JAZF1: variants seen among roughly 807,000 people sequenced by gnomAD.
The protein encoded by JAZF1 is juxtaposed with another zinc finger protein 1.
A neutral mutation model predicts 26.4 loss-of-function variants in JAZF1; 8 were observed. The observed-to-expected ratio is 0.30, with a 90% CI of 0.18 to 0.55. JAZF1 has a LOEUF of 0.55. Among genes scored for constraint, JAZF1 ranks in the 20% least tolerant of loss-of-function variants. The pLI, the probability that JAZF1 is intolerant of heterozygous loss-of-function variation, is 0.94. For missense variants in JAZF1, 199 were observed against 322.0 expected, an observed-to-expected ratio of 0.62 and a Z score of 2.92; for synonymous variants, 126 against 122.3, an observed-to-expected ratio of 1.03 and a Z score of -0.20.
At chr7:28,007,078 T>C (rs149931883) in intron 1 of JAZF1, among the ~76,000 whole-genome samples, 13 of 152,194 alleles carry the variant, frequency 8.5e-5, no homozygotes, top group Non-Finnish European at 1.6e-4. Flanking sequence ...GCTACTGCAA[T>C]GGGATGTCAA....
At chr7:28,101,850 T>A (rs1213818294) in intron 1 of JAZF1, among the ~76,000 whole-genome samples, 1 of 152,266 alleles carries the variant, frequency 6.6e-6, no homozygotes, top group East Asian at 1.9e-4. Flanking sequence ...AAATACAATT[T>A]AACTGCTTGA....
At chr7:27,898,486 G>A (rs1279049816) in intron 2 of JAZF1, among the ~76,000 whole-genome samples, 1 of 151,738 alleles carries the variant, frequency 6.6e-6, no homozygotes, top group Non-Finnish European at 1.5e-5. Flanking sequence ...TGTATTTTTA[G>A]TAGAGACAAG....
chr7:28,097,765 C>A (rs1012128267), intron 1 of JAZF1, among the ~76,000 whole-genome samples: 1 of 152,034 alleles, frequency 6.6e-6, no homozygotes, highest in Non-Finnish European at 1.5e-5. Context: ...CACAGGCCTG[C>A]TAGAGTCTGG....
intron 2 of JAZF1, among the ~76,000 whole-genome samples, chr7:27,928,645 G>T (rs1433128269): frequency 6.6e-6 from 1 of 152,176 alleles, no homozygotes; most frequent in Non-Finnish European, 1.5e-5. Flanking sequence ...CAAGCACATG[G>T]ATGGAGCTGG....
chr7:28,155,221 C>T (rs902677882), intron 1 of JAZF1, among the ~76,000 whole-genome samples: 2 of 152,136 alleles, frequency 1.3e-5, no homozygotes, highest in African/African-American at 4.8e-5. Context: ...ATTTTAGCAC[C>T]TTCTCCTTTT....
At chr7:28,038,136 A>G (rs1232584725) in intron 1 of JAZF1, among the ~76,000 whole-genome samples, 3 of 152,232 alleles carry the variant, frequency 2.0e-5, no homozygotes, top group African/African-American at 7.2e-5. Flanking sequence ...CTAATGCAAC[A>G]CAATACAAAG....
chr7:28,012,484 C>T (rs989819060), intron 1 of JAZF1, among the ~76,000 whole-genome samples: 2 of 152,096 alleles, frequency 1.3e-5, no homozygotes, highest in African/African-American at 2.4e-5. Flanking sequence ...AGAAAAGAAA[C>T]GACTGAAATT....
At chr7:27,976,268 C>T (rs558371920) in intron 2 of JAZF1, among the ~76,000 whole-genome samples, 1 of 147,090 alleles carries the variant, frequency 6.8e-6, no homozygotes, top group African/African-American at 2.5e-5. Context: ...ATGGCGCGAA[C>T]CCGGGAGGCG....
intron 1 of JAZF1, among the ~76,000 whole-genome samples, chr7:28,109,788 G>A (rs1462192637): frequency 6.6e-6 from 1 of 152,186 alleles, no homozygotes; most frequent in African/African-American, 2.4e-5. Flanking sequence ...AGAGACTGCG[G>A]GGATGGAGGG....
At chr7:27,861,237 C>G (rs1783373618) in intron 3 of JAZF1, among the ~76,000 whole-genome samples, 1 of 152,150 alleles carries the variant, frequency 6.6e-6, no homozygotes. Flanking sequence ...ACCTGCCATC[C>G]TTTTACTACT....
At chr7:27,869,153 T>C (rs1250427593) in intron 3 of JAZF1, among the ~76,000 whole-genome samples, 1 of 152,226 alleles carries the variant, frequency 6.6e-6, no homozygotes, top group Admixed American at 6.5e-5. Context: ...AAGAGGTTTT[T>C]ACGTGGTTTG....
At chr7:28,067,284 T>G (rs1783898688) in intron 1 of JAZF1, among the ~76,000 whole-genome samples, 2 of 152,226 alleles carry the variant, frequency 1.3e-5, no homozygotes, top group Admixed American at 1.3e-4. Context: ...GGGGGTAAGA[T>G]CCCAGAGATG....
chr7:28,159,252 A>T (rs1783240151), intron 1 of JAZF1, among the ~76,000 whole-genome samples: 1 of 151,990 alleles, frequency 6.6e-6, no homozygotes, highest in Non-Finnish European at 1.5e-5. Context: ...AGTAACTGGG[A>T]GTGGGGTTGA....
At position 27,895,420 on chromosome 7, in the gene JAZF1, A is replaced by T; in HGVS notation, c.189-4T>A. The stretch of plus-strand genomic sequence containing the variant: ...GCGGGCAGCATCTGTCATGAATCTG[A>T]AACAATAATGGAAGGTAAGGAACCT... On this transcript the variant is annotated splice_region_variant and splice_polypyrimidine_tract_variant and intron_variant, in intron 2 of 4. Transcript: ENST00000283928. 1 of 1,589,036 alleles carries T rather than the reference A, an allele frequency of 6.3e-7. No individual in the cohort carries two copies. The highest frequency in any genetic ancestry group is 8.6e-7 in the Non-Finnish European group (1 of 1,167,336).
At chr7:27,866,400 A>C (rs1294270066) in intron 3 of JAZF1, among the ~76,000 whole-genome samples, 2 of 152,198 alleles carry the variant, frequency 1.3e-5, no homozygotes, top group East Asian at 3.9e-4. Flanking sequence ...ACTTGGGAGC[A>C]GGCATCCTGT....
In JAZF1 at chr7:28,132,778, G is replaced by A. The variant is rs368027363; in HGVS notation, c.115+47685C>T. Among the ~76,000 whole-genome samples the A allele has an allele frequency of 2.0e-5, 3 of 152,186 alleles. No individual in the cohort carries two copies. In the South Asian group the frequency reaches 6.2e-4, roughly 32 times the overall value. On this transcript the variant is annotated intron_variant, in intron 1 of 4. Coordinates refer to ENST00000283928, the MANE Select transcript of JAZF1 (RefSeq NM_175061.4). ...GGTGAAACTTTTCAAACAAAATACAGTTAGCTCTCAATGTATAAATATTCA... is the reference window on the plus strand; with the variant it reads ...GGTGAAACTTTTCAAACAAAATACAATTAGCTCTCAATGTATAAATATTCA...
In JAZF1 at chr7:28,074,062, C is replaced by T. The variant is rs139632115; in HGVS notation, c.116-82081G>A. ...TATGCTTTATTATAAAATTAGCTAA[C>T]AGTACTGTACAGGGTCATTGCAACA... is the stretch of plus-strand genomic sequence containing the variant. On this transcript the variant is annotated intron_variant, in intron 1 of 4. Coordinates refer to ENST00000283928, the MANE Select transcript of JAZF1 (RefSeq NM_175061.4). 4.5e-3 allele frequency among the ~76,000 whole-genome samples: 677 copies of T among 151,930 alleles called. 3 individuals are homozygous for T. The highest frequency in any genetic ancestry group is 0.016 in the African/African-American group (658 of 41,472).
intron 3 of JAZF1, chr7:27,843,254 T>A (rs922033034): frequency 6.6e-6 from 1 of 152,264 alleles, no homozygotes; most frequent in African/African-American, 2.4e-5. Context: ...TTTGTTTATA[T>A]ACTTAATTTT....
intron 1 of JAZF1, among the ~76,000 whole-genome samples, chr7:28,031,580 A>G (rs73683941): frequency 0.018 from 2,750 of 152,292 alleles, 75 homozygotes; most frequent in African/African-American, 0.06. Flanking sequence ...TTGTGTATGC[A>G]TAACTTTTTC....
Sources: allele counts gnomAD v4.1 joint callset (sites outside exome capture counted in the v4.1 genomes callset), GRCh38; gene constraint gnomAD v4.1.1; transcripts MANE v1.5; gene names NCBI Gene and HGNC (gene_info 2026-07-23, HGNC 2026-07-21).